Variants in NFIX observed in about 807,000 individuals in gnomAD.
NFIX encodes the protein nuclear factor 1 X-type.
Under a neutral mutation model 53.3 loss-of-function variants are expected in NFIX, and 2 were observed. The observed-to-expected ratio is 0.04, with a 90% CI of 0.02 to 0.12. The LOEUF (loss-of-function observed/expected upper bound fraction) is 0.12. Ranked by LOEUF, NFIX falls within the 10% of genes least tolerant of loss-of-function variation. The pLI is 1.00. For synonymous variants in NFIX, 244 were observed against 289.0 expected (o/e 0.84, Z 1.58); for missense variants, 310 against 674.5 (o/e 0.46, Z 5.99).
At chr19:13,026,884 G>T (rs1373438982) in intron 2 of NFIX, among the ~76,000 whole-genome samples, 1 of 152,178 alleles carries the variant, frequency 6.6e-6, no homozygotes, top group Non-Finnish European at 1.5e-5. Context: ...TTCTCCGCGA[G>T]TGTGTGTCTC....
intron 1 of NFIX, among the ~76,000 whole-genome samples, chr19:13,023,725 C>T (rs1384709962): frequency 6.9e-6 from 1 of 145,358 alleles, no homozygotes; most frequent in African/African-American, 2.6e-5. Flanking sequence ...GTGTGGCAGC[C>T]GGCTCGCTCC....
chr19:13,050,051 G>A lies in NFIX; in HGVS notation c.560-22996G>A, dbSNP rs747936251. On this transcript the variant is annotated intron_variant, in intron 2 of 10. Transcript: ENST00000592199. Reference sequence around the variant, plus strand: ...AAGCATTTATGTGGATGTATGTTTTGGATTCTCTAGGGTATATACTTAGGA... The same window carrying A: ...AAGCATTTATGTGGATGTATGTTTTAGATTCTCTAGGGTATATACTTAGGA... 3.9e-5 allele frequency among the ~76,000 whole-genome samples: 6 copies of A among 152,132 alleles called. No homozygotes were observed. In the East Asian group the frequency reaches 5.8e-4, roughly 15 times the overall value.
In NFIX at chr19:13,089,295, G is replaced by T. The variant is rs958862049; in HGVS notation, c.1403-1004G>T. 1.3e-5 allele frequency among the ~76,000 whole-genome samples: 2 copies of T among 152,110 alleles called. No homozygotes were observed. The highest frequency in any genetic ancestry group is 4.8e-5 in the African/African-American group (2 of 41,418). On this transcript the variant is annotated intron_variant, in intron 9 of 10. Coordinates refer to ENST00000592199, the MANE Select transcript of NFIX (RefSeq NM_001365902.3). The surrounding 1 kb of genome is among the most constrained non-coding windows in gnomAD (Gnocchi z 4.8). Reference sequence around the variant, plus strand: ...CTGGGTGTGTCTGGTGCAGGGCAGCGGCGGGCCTTCCAGGTAACCTGTGAC... The same window carrying T: ...CTGGGTGTGTCTGGTGCAGGGCAGCTGCGGGCCTTCCAGGTAACCTGTGAC...
chr19:13,063,261 T>G (rs1314995482), intron 2 of NFIX, among the ~76,000 whole-genome samples: 3 of 152,202 alleles, frequency 2.0e-5, no homozygotes, highest in African/African-American at 4.8e-5. Context: ...TCTTAGCCAG[T>G]TGTTCCTTCT....
rs920010627 is a variant in NFIX at position 13,066,940 on chromosome 19, G to T, written c.560-6107G>T. ...AGTCTCCTGTCTGCTGAGACGGGGAGAACCCCTCTGTGACCCGTCCCCTTA... is the reference window on the plus strand; with the variant it reads ...AGTCTCCTGTCTGCTGAGACGGGGATAACCCCTCTGTGACCCGTCCCCTTA... On this transcript the variant is annotated intron_variant, in intron 2 of 10. Coordinates refer to ENST00000592199, the MANE Select transcript of NFIX (RefSeq NM_001365902.3). The surrounding 1 kb of genome is among the most constrained non-coding windows in gnomAD (Gnocchi z 4.2). Among the ~76,000 whole-genome samples, 2 of 152,182 alleles carry T rather than the reference G, an allele frequency of 1.3e-5. No homozygotes were observed. Among genetic ancestry groups the T allele is most frequent in the South Asian group, 4.1e-4 (2 of 4,832 alleles).
intron 2 of NFIX, among the ~76,000 whole-genome samples, chr19:13,061,249 C>T (rs1410479308): frequency 7.2e-5 from 11 of 152,244 alleles, no homozygotes; most frequent in African/African-American, 2.7e-4. Context: ...TCGCAGTCCC[C>T]TTTCCATCCG....
Position 13,011,425 on chromosome 19 carries a change from C to T in NFIX, c.28-13596C>T. On this transcript the variant is annotated intron_variant, in intron 1 of 10. Coordinates refer to ENST00000592199, the MANE Select transcript of NFIX (RefSeq NM_001365902.3). The surrounding 1 kb of genome is among the most constrained non-coding windows in gnomAD (Gnocchi z 6.5). Reference sequence around the variant, plus strand: ...CGAGTCCAGCTCGGGCCGCACGCTACCCGCCCTCCAGGCCTTCGCTCCAGG... The same window carrying T: ...CGAGTCCAGCTCGGGCCGCACGCTATCCGCCCTCCAGGCCTTCGCTCCAGG... 6.6e-6 allele frequency among the ~76,000 whole-genome samples: 1 copy of T among 152,198 alleles called. No individual in the cohort carries two copies. Among genetic ancestry groups the T allele is most frequent in the East Asian group, 1.9e-4 (1 of 5,180 alleles).
At chr19:13,056,820 G>T (rs2015727862) in intron 2 of NFIX, among the ~76,000 whole-genome samples, 1 of 152,242 alleles carries the variant, frequency 6.6e-6, no homozygotes, top group Non-Finnish European at 1.5e-5. Context: ...GGAAGTCAAG[G>T]TTATGAAGCC....
chr19:13,049,760 AT>A lies in NFIX; in HGVS notation c.560-23282del, dbSNP rs2015214254. On this transcript the variant is annotated intron_variant, in intron 2 of 10. Coordinates refer to ENST00000592199, the MANE Select transcript of NFIX (RefSeq NM_001365902.3). This position sits in a 1 kb window ranked among gnomAD's most constrained non-coding sequence, Gnocchi z 4.5. ...AGGCGCCCGCCACCATGCCCAGCTA[AT>A]TTTTGTGTTTTTAGTAGAGACAGGG... 6.6e-6 allele frequency among the ~76,000 whole-genome samples: 1 copy of A among 151,686 alleles called. No homozygotes were observed. Among genetic ancestry groups the A allele is most frequent in the Non-Finnish European group, 1.5e-5 (1 of 67,944 alleles).
chr19:13,066,634 G>A lies in NFIX; in HGVS notation c.560-6413G>A, dbSNP rs533310898. Among the ~76,000 whole-genome samples, 11 of 152,318 alleles carry A rather than the reference G, an allele frequency of 7.2e-5. No individual in the cohort carries two copies. In the East Asian group the frequency reaches 2.1e-3, roughly 29 times the overall value. ...CCCCCACCCACAGCTTGCGGGCTCTGCTTCTTGTTCAGGCTCCGGCTTTAA... is the reference window on the plus strand; with the variant it reads ...CCCCCACCCACAGCTTGCGGGCTCTACTTCTTGTTCAGGCTCCGGCTTTAA... On this transcript the variant is annotated intron_variant, in intron 2 of 10. Transcript: ENST00000592199. This position sits in a 1 kb window ranked among gnomAD's most constrained non-coding sequence, Gnocchi z 4.2.
In NFIX at chr19:13,067,933, G is replaced by A. The variant is rs911533635; in HGVS notation, c.560-5114G>A. On this transcript the variant is annotated intron_variant, in intron 2 of 10. Coordinates refer to ENST00000592199, the MANE Select transcript of NFIX (RefSeq NM_001365902.3). This position sits in a 1 kb window ranked among gnomAD's most constrained non-coding sequence, Gnocchi z 4.2. ...ATCCTGGCTAACACTGTGAAACCCT[G>A]TCTCTTCTAAAAATACAAAAAATTA... Among the ~76,000 whole-genome samples the A allele has an allele frequency of 2.0e-5, 3 of 151,954 alleles. No individual in the cohort carries two copies. Among genetic ancestry groups the A allele is most frequent in the Admixed American group, 6.6e-5 (1 of 15,250 alleles).
In NFIX at chr19:13,011,821, C is replaced by T. The variant is rs979514365; in HGVS notation, c.28-13200C>T. Among the ~76,000 whole-genome samples, 10 of 152,192 alleles carry T rather than the reference C, an allele frequency of 6.6e-5. No individual in the cohort carries two copies. The highest frequency in any genetic ancestry group is 1.2e-4 in the Non-Finnish European group (8 of 68,028). Reference sequence around the variant, plus strand: ...ACAGGCTCCTTTCATTGTAGCCTCCCTGGAGGTTCTCAAGGCGCCTGGCAT... The same window carrying T: ...ACAGGCTCCTTTCATTGTAGCCTCCTTGGAGGTTCTCAAGGCGCCTGGCAT... On this transcript the variant is annotated intron_variant, in intron 1 of 10. Transcript: ENST00000592199. The surrounding 1 kb of genome is among the most constrained non-coding windows in gnomAD (Gnocchi z 6.5).
Position 13,014,770 on chromosome 19 carries a change from G to A in NFIX, c.28-10251G>A, listed in dbSNP as rs2145163096. 6.6e-6 allele frequency among the ~76,000 whole-genome samples: 1 copy of A among 152,372 alleles called. No individual in the cohort carries two copies. The highest frequency in any genetic ancestry group is 2.1e-4 in the South Asian group (1 of 4,832). On this transcript the variant is annotated intron_variant, in intron 1 of 10. Transcript: ENST00000592199. This position sits in a 1 kb window ranked among gnomAD's most constrained non-coding sequence, Gnocchi z 4.4. ...CAGGGCCTGGATTTGGGGAGGAAGA[G>A]CAGGGTCCAGGGCCAGTGGCTGAGC...
Position 13,074,009 on chromosome 19 carries a change from C to T in NFIX, c.801C>T (p.Thr267=), listed in dbSNP as rs1343741483. 6.2e-7 allele frequency: 1 copy of T among 1,614,024 alleles called. No individual in the cohort carries two copies. Among genetic ancestry groups the T allele is most frequent in the South Asian group, 1.1e-5 (1 of 91,090 alleles). Residue 267 remains threonine, a synonymous_variant, in exon 5 of 11, where the codon ACC becomes ACT. Coordinates refer to ENST00000592199, the MANE Select transcript of NFIX (RefSeq NM_001365902.3). ...NQVTLGRRSI[T]SPPSTSTTKR... ...TGACCCTGGGGCGGCGGTCCATCAC[C>T]TCCCCTCCTTCCACCAGGTAAGCCC...
At chr19:13,018,255 G>A (rs2012768753) in intron 1 of NFIX, among the ~76,000 whole-genome samples, 1 of 149,186 alleles carries the variant, frequency 6.7e-6, no homozygotes, top group Non-Finnish European at 1.5e-5. Context: ...AGGAGCATTT[G>A]GAGCCAGAAC....
At position 13,066,437 on chromosome 19, in the gene NFIX, C is replaced by T. The variant is rs1025594406; in HGVS notation, c.560-6610C>T. 4.0e-5 allele frequency among the ~76,000 whole-genome samples: 6 copies of T among 151,780 alleles called. No individual in the cohort carries two copies. Among genetic ancestry groups the T allele is most frequent in the African/African-American group, 9.7e-5 (4 of 41,356 alleles). ...GCCTAGACCACATGTGGGTGTCACT[C>T]GGTTTCTTCCTCTTTCCTGTCACTT... On this transcript the variant is annotated intron_variant, in intron 2 of 10. Coordinates refer to ENST00000592199, the MANE Select transcript of NFIX (RefSeq NM_001365902.3). The surrounding 1 kb of genome is among the most constrained non-coding windows in gnomAD (Gnocchi z 4.2).
chr19:13,086,409 C>G (rs2017782828), intron 8 of NFIX, among the ~76,000 whole-genome samples: 1 of 152,176 alleles, frequency 6.6e-6, no homozygotes, highest in Admixed American at 6.5e-5. Context: ...CAGGTCTGGC[C>G]AGTTGCAGCT....
intron 1 of NFIX, among the ~76,000 whole-genome samples, chr19:13,004,841 C>T (rs1031473515): frequency 1.4e-5 from 2 of 138,692 alleles, no homozygotes; most frequent in Non-Finnish European, 3.0e-5. Context: ...TTTTTTTAAA[C>T]AGTCTCACTC....
At chr19:13,070,981 C>T (rs191509006) in intron 2 of NFIX, 1 of 152,502 alleles carries the variant, frequency 6.6e-6, no homozygotes, top group East Asian at 1.9e-4. Context: ...GCCATCTCCA[C>T]TTGGTCTTTC....
Sources: allele counts gnomAD v4.1 joint callset (sites outside exome capture counted in the v4.1 genomes callset), GRCh38; gene constraint gnomAD v4.1.1; non-coding constraint Gnocchi (gnomAD v3.1); transcripts MANE v1.5; gene names NCBI Gene and HGNC (gene_info 2026-07-23, HGNC 2026-07-21).